Variants in GCA observed in about 807,000 individuals in gnomAD.
The protein encoded by GCA is grancalcin, EF-hand calcium-binding protein.
A neutral mutation model predicts 32.6 loss-of-function variants in GCA; 30 were observed. The ratio of observed to expected loss-of-function variants is 0.92; its 90% CI spans 0.69 to 1.25. The LOEUF (loss-of-function observed/expected upper bound fraction) is 1.25. GCA is among the 50% of genes most tolerant of loss of function. The pLI is 0.00. For synonymous variants in GCA, 102 were observed against 84.6 expected (o/e 1.21, Z -1.13); for missense variants, 291 against 266.8 (o/e 1.09, Z -0.63).
In GCA at chr2:162,347,717, C is replaced by G; in HGVS notation, c.167C>G (p.Thr56Ser). 6.3e-7 allele frequency: 1 copy of G among 1,582,432 alleles called. No individual in the cohort carries two copies. Among genetic ancestry groups the G allele is most frequent in the Non-Finnish European group, 8.6e-7 (1 of 1,161,762 alleles). Residue 56 changes from threonine (T) to serine (S), a missense_variant, in exon 2 of 8, where the codon ACT becomes AGT. Physicochemically the swap from Thr to Ser is moderately conservative, Grantham distance 58. Transcript: ENST00000437150. Reference protein sequence around the residue: ...TYSSAGDSVYTYFSAVAGQDG... With the variant: ...TYSSAGDSVYSYFSAVAGQDG... ...TCCTCAGCTGGTGACTCCGTGTATA[C>G]TTACTTCAGTGCTGTTGCTGGACAG...
At chr2:162,332,551 A>G (rs1684133168) in intron 1 of GCA, among the ~76,000 whole-genome samples, 1 of 151,962 alleles carries the variant, frequency 6.6e-6, no homozygotes, top group Non-Finnish European at 1.5e-5. Flanking sequence ...CTGAATCAGA[A>G]TTACTTCGAA....
At position 162,356,802 on chromosome 2, in the gene GCA, A is replaced by G. The variant is rs556043284; in HGVS notation, c.351A>G (p.Leu117=). 8 of 1,604,504 alleles carry G rather than the reference A, an allele frequency of 5.0e-6. No homozygotes were observed. Among genetic ancestry groups the G allele is most frequent in the African/African-American group, 1.3e-5 (1 of 74,834 alleles). Residue 117 remains leucine, a synonymous_variant, in exon 5 of 8, where the codon CTA becomes CTG. Transcript: ENST00000437150. The part of the protein sequence containing the change: ...GKMGFNAFKE[L]WAALNAWKEN... ...TGGGATTTAATGCATTCAAAGAGCT[A>G]TGGGCAGCTCTTAATGCCTGGAAGG...
chr2:162,352,312 AT>A, intron 2 of GCA, 25 bp from the exon 3 acceptor site: 1 of 1,373,890 alleles, frequency 7.3e-7, no homozygotes, highest in Non-Finnish European at 1.0e-6. Context: ...TGCACATTAA[AT>A]TAGGTCATAA....
downstream of GCA, among the ~76,000 whole-genome samples, chr2:162,365,358 A>C (rs2105366851): frequency 6.6e-6 from 1 of 151,736 alleles, no homozygotes; most frequent in African/African-American, 2.4e-5. Context: ...TTATCTGTAG[A>C]AGCTTATTGC....
downstream of GCA, among the ~76,000 whole-genome samples, chr2:162,364,666 C>A (rs1558908161): frequency 6.6e-6 from 1 of 151,490 alleles, no homozygotes; most frequent in African/African-American, 2.4e-5. Flanking sequence ...TTATGGCCAA[C>A]ACATTTTATT....
rs138003695 is a variant in GCA, at chr2:162,350,485, T to G, written c.193-1853T>G. ...TTTTCTCCTGTTTGCAGCTAAATGGTACCTTAACTGTTCTACTCATTATAC... is the reference window on the plus strand; with the variant it reads ...TTTTCTCCTGTTTGCAGCTAAATGGGACCTTAACTGTTCTACTCATTATAC... On this transcript the variant is annotated intron_variant, in intron 2 of 7. Coordinates refer to ENST00000437150, the MANE Select transcript of GCA (RefSeq NM_012198.5). Among the ~76,000 whole-genome samples, 427 of 152,322 alleles carry G rather than the reference T, an allele frequency of 2.8e-3. 2 individuals are homozygous for G. Among genetic ancestry groups the G allele is most frequent in the African/African-American group, 9.7e-3 (402 of 41,568 alleles).
At chr2:162,349,368 G>A (rs1684870570) in intron 2 of GCA, among the ~76,000 whole-genome samples, 1 of 151,896 alleles carries the variant, frequency 6.6e-6, no homozygotes, top group Admixed American at 6.6e-5. Flanking sequence ...AAATAAATGA[G>A]CTTGTCTTTT....
At chr2:162,373,593 G>A (rs767809489), downstream of GCA, 11 of 1,578,802 alleles carry the variant, frequency 7.0e-6, no homozygotes, top group Non-Finnish European at 8.6e-6. Flanking sequence ...AGGCTGGGGG[G>A]ACCACAGTGG....
At chr2:162,331,750 T>C (rs1038993678) in intron 1 of GCA, among the ~76,000 whole-genome samples, 14 of 152,344 alleles carry the variant, frequency 9.2e-5, no homozygotes, top group Non-Finnish European at 1.5e-4. Flanking sequence ...TATTTTGTTG[T>C]AGCAGAACTA....
chr2:162,332,686 A>G (rs535890028), intron 1 of GCA, among the ~76,000 whole-genome samples: 1 of 152,196 alleles, frequency 6.6e-6, no homozygotes, highest in Non-Finnish European at 1.5e-5. Context: ...TCTTGCTTAT[A>G]GTAACTGGAG....
rs1685627301 is a variant in GCA at position 162,362,670 on chromosome 2, A to C, written c.*2427A>C. 1 of 581,926 alleles carries C rather than the reference A, an allele frequency of 1.7e-6. No individual in the cohort carries two copies. Among genetic ancestry groups the C allele is most frequent in the African/African-American group, 2.0e-5 (1 of 49,476 alleles). The allele number at this position is 581,926 out of a possible 1,614,324, so 36.0% of individuals were successfully genotyped here. ...GTATCATACAAAATCTGTTACATATATATATATTATGAGATGCTTCAGTTC... is the reference window on the plus strand; with the variant it reads ...GTATCATACAAAATCTGTTACATATCTATATATTATGAGATGCTTCAGTTC... On this transcript the variant is annotated 3_prime_UTR_variant, in exon 8 of 8. Transcript: ENST00000437150.
chr2:162,347,287 T>TTTTAAAAAA (rs1684757160), intron 1 of GCA, among the ~76,000 whole-genome samples: 1 of 152,314 alleles, frequency 6.6e-6, no homozygotes, highest in Admixed American at 6.5e-5. Context: ...GTGATGTTGG[T>TTTTAAAAAA]AAACATTTTT....
chr2:162,353,724 C>A (rs369268500), intron 3 of GCA, among the ~76,000 whole-genome samples: 2 of 152,074 alleles, frequency 1.3e-5, no homozygotes, highest in Non-Finnish European at 2.9e-5. Context: ...TAGTATTCTG[C>A]GATTTGATGG....
At chr2:162,372,566 A>T (rs1043520267), downstream of GCA, among the ~76,000 whole-genome samples, 3 of 151,012 alleles carry the variant, frequency 2.0e-5, no homozygotes, top group African/African-American at 7.4e-5. Context: ...TTTCCCAGTC[A>T]TTCAAAACTA....
intron 1 of GCA, among the ~76,000 whole-genome samples, chr2:162,321,881 TAC>T (rs1410454231): frequency 1.9e-5 from 1 of 53,510 alleles, no homozygotes; most frequent in Admixed American, 2.4e-4. Context: ...AAAATTTAGT[TAC>T]ATATATATAT....
At chr2:162,346,921 G>C (rs1416003677) in intron 1 of GCA, among the ~76,000 whole-genome samples, 5 of 152,070 alleles carry the variant, frequency 3.3e-5, no homozygotes, top group Non-Finnish European at 7.4e-5. Context: ...TATATAAACT[G>C]TAATAAGTCA....
rs199565820 is a variant in GCA at position 162,332,029 on chromosome 2, GC to G, written c.-31+12805del. Among the ~76,000 whole-genome samples the G allele has an allele frequency of 1.9e-3, 292 of 152,188 alleles. 1 individual carries two copies. Among genetic ancestry groups the G allele is most frequent in the East Asian group, 0.018 (95 of 5,166 alleles). The stretch of plus-strand genomic sequence containing the variant: ...GCATTATATAAAATACACAACTTCT[GC>G]TGGGTGTGGTGGCTCACGCCTGTAA... On this transcript the variant is annotated intron_variant, in intron 1 of 4. Coordinates refer to the GCA transcript ENST00000429691.
intron 5 of GCA, among the ~76,000 whole-genome samples, 166 bp from the exon 6 acceptor site, chr2:162,358,878 A>G (rs1685416004): frequency 6.6e-6 from 1 of 151,494 alleles, no homozygotes; most frequent in Non-Finnish European, 1.5e-5. Flanking sequence ...TAACAGGATT[A>G]ACAGTGAAGC....
At chr2:162,346,866 A>G (rs886533788) in intron 1 of GCA, among the ~76,000 whole-genome samples, 3 of 152,142 alleles carry the variant, frequency 2.0e-5, no homozygotes, top group Admixed American at 2.0e-4. Flanking sequence ...TTATGGCTTT[A>G]GTTAAAACTA....
Sources: gnomAD v4.1 joint callset for allele counts (sites outside exome capture counted in the v4.1 genomes callset) on GRCh38, gnomAD v4.1.1 for gene constraint, MANE v1.5 for transcripts, NCBI Gene and HGNC (gene_info 2026-07-23, HGNC 2026-07-21) for gene names.